Variants in FHIT observed in about 807,000 individuals in gnomAD.
The protein encoded by FHIT is fragile histidine triad diadenosine triphosphatase, also known as bis(5'-adenosyl)-triphosphatase.
In FHIT, 19 loss-of-function variants were observed where a neutral mutation model predicts 17.9. The ratio of observed to expected loss-of-function variants is 1.06; its 90% CI spans 0.74 to 1.56. The LOEUF (loss-of-function observed/expected upper bound fraction) is 1.56. Among genes scored for constraint, FHIT ranks in the 40% most tolerant of loss-of-function variants. FHIT has a pLI of 0.00. For missense variants in FHIT, 248 were observed against 189.2 expected (o/e 1.31, Z -1.82); for synonymous variants, 81 against 69.7 (o/e 1.16, Z -0.81).
intron 3 of FHIT, among the ~76,000 whole-genome samples, chr3:60,947,367 G>T (rs7634868): frequency 1.3e-5 from 2 of 151,832 alleles, no homozygotes; most frequent in African/African-American, 4.8e-5. Flanking sequence ...TATGACTATC[G>T]CGTGTTTTCT....
intron 4 of FHIT, among the ~76,000 whole-genome samples, chr3:60,635,096 G>T (rs1039972997): frequency 7.6e-6 from 1 of 131,418 alleles, no homozygotes; most frequent in Non-Finnish European, 1.8e-5. Context: ...GATAATTTTG[G>T]AATACTGCAG....
intron 3 of FHIT, among the ~76,000 whole-genome samples, chr3:61,040,442 T>C (rs1408778384): frequency 2.0e-5 from 3 of 152,258 alleles, no homozygotes; most frequent in African/African-American, 7.2e-5. Context: ...AGAATGATAA[T>C]GGTTTTATTA....
intron 5 of FHIT, among the ~76,000 whole-genome samples, chr3:60,113,569 T>C (rs1162138471): frequency 2.0e-5 from 3 of 151,860 alleles, no homozygotes; most frequent in Admixed American, 2.0e-4. Context: ...GGAGGACTAC[T>C]GGTACATGAA....
At chr3:59,841,052 G>A (rs1485730) in intron 8 of FHIT, among the ~76,000 whole-genome samples, 1 of 152,088 alleles carries the variant, frequency 6.6e-6, no homozygotes, top group African/African-American at 2.4e-5. Flanking sequence ...TTTAATTTTC[G>A]CCATGTCTTC....
intron 5 of FHIT, among the ~76,000 whole-genome samples, chr3:60,040,997 A>G (rs181286835): frequency 6.6e-6 from 1 of 152,326 alleles, no homozygotes; most frequent in Admixed American, 6.5e-5. Context: ...GGGGTTTACA[A>G]AGGAGATAAA....
At chr3:60,619,403 G>C (rs1553677395) in intron 4 of FHIT, among the ~76,000 whole-genome samples, 1 of 152,040 alleles carries the variant, frequency 6.6e-6, no homozygotes, top group African/African-American at 2.4e-5. Flanking sequence ...AAAAGATTCA[G>C]AATATGCAAG....
At chr3:60,977,852 C>T (rs892910500) in intron 3 of FHIT, among the ~76,000 whole-genome samples, 6 of 152,212 alleles carry the variant, frequency 3.9e-5, no homozygotes, top group African/African-American at 9.6e-5. Flanking sequence ...GCCTGGACAA[C>T]GAGAGCGAAA....
chr3:60,849,873 G>T (rs189652257), intron 3 of FHIT, among the ~76,000 whole-genome samples: 2 of 151,924 alleles, frequency 1.3e-5, no homozygotes, highest in South Asian at 4.1e-4. Flanking sequence ...TTACTAAGTG[G>T]CATGGTCACT....
intron 7 of FHIT, among the ~76,000 whole-genome samples, chr3:59,925,877 A>G (rs1298698449): frequency 6.6e-6 from 1 of 152,236 alleles, no homozygotes; most frequent in Non-Finnish European, 1.5e-5. Flanking sequence ...AAAAAATACC[A>G]TCACTATGGA....
intron 5 of FHIT, among the ~76,000 whole-genome samples, chr3:60,296,582 T>C (rs552360523): frequency 1.3e-5 from 2 of 152,174 alleles, no homozygotes; most frequent in South Asian, 2.1e-4. Flanking sequence ...GGTTTTCAAA[T>C]ATTTACTCCC....
At chr3:60,617,407 C>T (rs566824425) in intron 4 of FHIT, 20 of 184,574 alleles carry the variant, frequency 1.1e-4, no homozygotes, top group Middle Eastern at 5.1e-4. Context: ...CCAATAGTCT[C>T]GATCTGAATA....
At chr3:60,182,234 T>C (rs1479293076) in intron 5 of FHIT, among the ~76,000 whole-genome samples, 1 of 152,148 alleles carries the variant, frequency 6.6e-6, no homozygotes, top group East Asian at 1.9e-4. Flanking sequence ...GAAAACGGGA[T>C]TGACTAAATC....
At chr3:60,216,200 T>C (rs1160497067) in intron 5 of FHIT, among the ~76,000 whole-genome samples, 2 of 152,310 alleles carry the variant, frequency 1.3e-5, no homozygotes, top group East Asian at 1.9e-4. Flanking sequence ...TAGGTTTTAA[T>C]ACATTTCAAA....
chr3:60,188,617 A>G (rs1183088108), intron 5 of FHIT, among the ~76,000 whole-genome samples: 1 of 152,172 alleles, frequency 6.6e-6, no homozygotes, highest in Non-Finnish European at 1.5e-5. Context: ...AAATTTTGAC[A>G]GTAACTATTT....
intron 8 of FHIT, among the ~76,000 whole-genome samples, chr3:59,857,609 T>C (rs1186350017): frequency 6.6e-6 from 1 of 152,054 alleles, no homozygotes; most frequent in Non-Finnish European, 1.5e-5. Flanking sequence ...CTAACAAAGA[T>C]TCAAGAGTCA....
intron 4 of FHIT, among the ~76,000 whole-genome samples, chr3:60,538,979 G>C (rs538315205): frequency 1.3e-5 from 2 of 152,016 alleles, no homozygotes; most frequent in East Asian, 1.9e-4. Context: ...CACAGCAAAA[G>C]AATCTACCAT....
chr3:60,114,818 G>A (rs112760528), intron 5 of FHIT, among the ~76,000 whole-genome samples: 4 of 152,182 alleles, frequency 2.6e-5, no homozygotes, highest in African/African-American at 9.6e-5. Context: ...AATTAAAAAT[G>A]AAGAGTAATA....
chr3:61,076,439 C>T (rs1354169770), intron 2 of FHIT, among the ~76,000 whole-genome samples: 1 of 152,136 alleles, frequency 6.6e-6, no homozygotes, highest in African/African-American at 2.4e-5. Context: ...CCATCCATGA[C>T]ATGTCTCTTG....
chr3:60,038,166 T>C (rs975329718), intron 5 of FHIT, among the ~76,000 whole-genome samples: 1 of 152,350 alleles, frequency 6.6e-6, no homozygotes, highest in South Asian at 2.1e-4. Context: ...ATGTTCAGTT[T>C]CCTAACCACT....
Sources: allele counts gnomAD v4.1 joint callset (sites outside exome capture counted in the v4.1 genomes callset), GRCh38; gene constraint gnomAD v4.1.1; transcripts MANE v1.5; gene names NCBI Gene and HGNC (gene_info 2026-07-23, HGNC 2026-07-21).